The following NSD1 variants were observed in gnomAD, a reference collection of about 807,000 sequenced individuals.
NSD1 encodes the protein nuclear receptor binding SET domain protein 1.
A neutral mutation model predicts 242.7 loss-of-function variants in NSD1; 26 were observed. That is an observed-to-expected ratio of 0.11 (90% CI 0.08 to 0.15). NSD1 has a LOEUF of 0.15. Ranked by LOEUF, NSD1 falls within the 10% of genes least tolerant of loss-of-function variation. The probability of loss-of-function intolerance (pLI) is 1.00; values close to 1 mark genes in which losing one functional copy is unlikely to be tolerated. For synonymous variants in NSD1, 1,106 were observed against 1,178.1 expected (o/e 0.94, Z 1.25); for missense variants, 2,495 against 3,272.8 (o/e 0.76, Z 5.80).
intron 11 of NSD1, among the ~76,000 whole-genome samples, chr5:177,250,816 A>G (rs571764666): frequency 2.0e-5 from 3 of 152,140 alleles, no homozygotes; most frequent in African/African-American, 4.8e-5. Context: ...ATCAAGACCT[A>G]TTCTGTTTCT....
Position 177,263,311 on chromosome 5 carries a change from T to A in NSD1, c.5146+3143T>A, listed in dbSNP as rs139726342. Among the ~76,000 whole-genome samples the A allele has an allele frequency of 5.3e-5, 8 of 152,358 alleles. No homozygotes were observed. In the East Asian group the frequency reaches 1.5e-3, roughly 29 times the overall value. On this transcript the variant is annotated intron_variant, in intron 14 of 22. Transcript: ENST00000439151. ...TCTGTAAAAGAAGAATTTTCCTTAC[T>A]TGAGATATATTGTTTCTGTAGCCAA...
At chr5:177,264,168 T>TG (rs1349270023) in intron 14 of NSD1, among the ~76,000 whole-genome samples, 1 of 151,552 alleles carries the variant, frequency 6.6e-6, no homozygotes, top group East Asian at 1.9e-4. Flanking sequence ...CCTGAGTAGC[T>TG]GGGACTACAG....
intron 5 of NSD1, among the ~76,000 whole-genome samples, chr5:177,212,475 TTCTCTC>T (rs1220906891): frequency 7.7e-6 from 1 of 129,256 alleles, no homozygotes; most frequent in Non-Finnish European, 1.5e-5. Flanking sequence ...CTCTCTCTCT[TTCTCTC>T]TCTCTCTTTT....
intron 2 of NSD1, among the ~76,000 whole-genome samples, chr5:177,138,212 A>G (rs1449391853): frequency 1.3e-5 from 2 of 152,152 alleles, no homozygotes; most frequent in South Asian, 2.1e-4. Flanking sequence ...TTCAGGGAGA[A>G]ATTGAAATTG....
Position 177,282,450 on chromosome 5 carries a change from T to C in NSD1, c.5893-15T>C. 1.3e-6 allele frequency: 2 copies of C among 1,548,890 alleles called. No individual in the cohort carries two copies. Among genetic ancestry groups the C allele is most frequent in the Non-Finnish European group, 1.8e-6 (2 of 1,121,706 alleles). ...CCTTTTTTGCCATTAAGTCAGGAGG[T>C]ATTTCTTGTTCTAGGGTGAATTTGT... On this transcript the variant is annotated splice_polypyrimidine_tract_variant and intron_variant, in intron 18 of 22. Transcript: ENST00000439151.
intron 20 of NSD1, 145 bp downstream of exon 20, chr5:177,284,073 A>G: frequency 1.0e-6 from 1 of 998,338 alleles, no homozygotes; most frequent in South Asian, 1.3e-5. Context: ...TTGTGCAACC[A>G]TCACCACCAT....
chr5:177,240,252 CAG>C (rs1765750084), intron 8 of NSD1, among the ~76,000 whole-genome samples: 2 of 152,174 alleles, frequency 1.3e-5, no homozygotes, highest in Admixed American at 6.5e-5. Context: ...TTTTTTGAGA[CAG>C]GGTCTGATTC....
At chr5:177,291,907 T>C in intron 21 of NSD1, 47 bp from the exon 22 acceptor site, 1 of 1,547,190 alleles carries the variant, frequency 6.5e-7, no homozygotes, top group Non-Finnish European at 8.9e-7. Flanking sequence ...TTAAGATTGG[T>C]ACTAATGTGT....
chr5:177,174,193 C>T (rs550032756), intron 2 of NSD1, among the ~76,000 whole-genome samples: 15 of 152,006 alleles, frequency 9.9e-5, no homozygotes, highest in Non-Finnish European at 1.8e-4. Context: ...GGTGAAACCC[C>T]GTCTTTATTA....
chr5:177,175,162 C>T (rs1253693449), intron 2 of NSD1, among the ~76,000 whole-genome samples: 2 of 152,202 alleles, frequency 1.3e-5, no homozygotes, highest in African/African-American at 2.4e-5. Flanking sequence ...TGAGCCACTA[C>T]ACCCGGCCTG....
chr5:177,132,311 G>A (rs1459334360), upstream of NSD1, among the ~76,000 whole-genome samples: 1 of 151,536 alleles, frequency 6.6e-6, no homozygotes, highest in Admixed American at 6.6e-5. This position sits in a 1 kb window ranked among gnomAD's most constrained non-coding sequence, Gnocchi z 7.5. Flanking sequence ...AGGGCCATCT[G>A]CCTGGGTGCC....
intron 2 of NSD1, among the ~76,000 whole-genome samples, chr5:177,144,121 G>A (rs1394760955): frequency 6.6e-6 from 1 of 152,160 alleles, no homozygotes; most frequent in South Asian, 2.1e-4. Flanking sequence ...TACACTGCTG[G>A]TTCTGAAGTA....
chr5:177,255,312 A>G (rs561052959), intron 12 of NSD1, among the ~76,000 whole-genome samples: 1 of 152,292 alleles, frequency 6.6e-6, no homozygotes, highest in Non-Finnish European at 1.5e-5. Context: ...CTCAAAAAAA[A>G]AAAAAAGTTA....
At chr5:177,224,240 G>A (rs6874705) in intron 5 of NSD1, among the ~76,000 whole-genome samples, 151,690 of 152,304 alleles carry the variant, frequency 1, 75,540 homozygotes, top group Middle Eastern at 1. Context: ...CTGAATCTGT[G>A]GGGTAGTTTG....
intron 4 of NSD1, among the ~76,000 whole-genome samples, chr5:177,206,011 A>T (rs1052522561): frequency 1.7e-4 from 26 of 151,824 alleles, no homozygotes; most frequent in South Asian, 4.2e-4. Context: ...TATTATTATT[A>T]TTTTTTTAAA....
chr5:177,240,416 A>G (rs1333659576), intron 8 of NSD1, among the ~76,000 whole-genome samples: 2 of 151,996 alleles, frequency 1.3e-5, no homozygotes, highest in African/African-American at 4.8e-5. Flanking sequence ...TTATTCAAGA[A>G]ATCTAGTGTG....
chr5:177,134,192 C>A lies in NSD1; in HGVS notation c.-18+240C>A, dbSNP rs1756100990. 6.6e-6 allele frequency: 1 copy of A among 151,478 alleles called. No individual in the cohort carries two copies. 9.4% of individuals were successfully genotyped at this position (151,478 alleles called of 1,614,324 possible). A position where few individuals can be genotyped will look rare whatever the true frequency, so the allele number is the denominator to read the frequency against. On this transcript the variant is annotated intron_variant, in intron 1 of 22. Transcript: ENST00000439151. This position sits in a 1 kb window ranked among gnomAD's most constrained non-coding sequence, Gnocchi z 4.2. Reference sequence around the variant, plus strand: ...GGCTGCCGCGAACTTCCTCCCGGCGCGGCCCGTGCCCCGCCGGCCGCCTGC... The same window carrying A: ...GGCTGCCGCGAACTTCCTCCCGGCGAGGCCCGTGCCCCGCCGGCCGCCTGC...
chr5:177,257,833 T>TTTA (rs751374345), intron 13 of NSD1, among the ~76,000 whole-genome samples: 16 of 135,554 alleles, frequency 1.2e-4, no homozygotes, highest in South Asian at 2.5e-4. Context: ...TTTTATTTTA[T>TTTA]TTTATTTTAT....
At chr5:177,186,288 C>T (rs1562173133) in intron 2 of NSD1, among the ~76,000 whole-genome samples, 1 of 149,764 alleles carries the variant, frequency 6.7e-6, no homozygotes, top group Non-Finnish European at 1.5e-5. Context: ...GAGACCCTGT[C>T]TCAGAAACGA....
Sources: allele counts gnomAD v4.1 joint callset (sites outside exome capture counted in the v4.1 genomes callset), GRCh38; gene constraint gnomAD v4.1.1; non-coding constraint Gnocchi (gnomAD v3.1); transcripts MANE v1.5; gene names NCBI Gene and HGNC (gene_info 2026-07-23, HGNC 2026-07-21).